Variants in FAM81A observed in about 807,000 individuals in gnomAD.
The protein encoded by FAM81A is protein FAM81A.
A neutral mutation model predicts 46.7 loss-of-function variants in FAM81A; 19 were observed. The ratio of observed to expected loss-of-function variants is 0.41; its 90% CI spans 0.28 to 0.60. The LOEUF (loss-of-function observed/expected upper bound fraction) is 0.60, where lower values mean the gene tolerates loss of function less well. Ranked by LOEUF, FAM81A falls within the 20% of genes least tolerant of loss-of-function variation. The pLI is 0.34. For synonymous variants in FAM81A, 183 were observed against 152.9 expected, an observed-to-expected ratio of 1.20 and a Z score of -1.45; for missense variants, 377 against 453.5, an observed-to-expected ratio of 0.83 and a Z score of 1.53.
chr15:59,499,617 G>A (rs550502574), intron 4 of FAM81A, among the ~76,000 whole-genome samples: 81 of 152,038 alleles, frequency 5.3e-4, no homozygotes, highest in African/African-American at 1.9e-3. Flanking sequence ...CTCATTTTTT[G>A]TTTTTCTGGG....
intron 2 of FAM81A, among the ~76,000 whole-genome samples, chr15:59,425,180 G>C (rs1291918127): frequency 6.6e-6 from 1 of 152,056 alleles, no homozygotes; most frequent in African/African-American, 2.4e-5. Context: ...TAGAATGTAA[G>C]CTCCATGAGG....
intron 3 of FAM81A, among the ~76,000 whole-genome samples, chr15:59,474,256 T>C (rs771396209): frequency 3.3e-5 from 5 of 152,256 alleles, no homozygotes; most frequent in Non-Finnish European, 7.3e-5. Flanking sequence ...CGGTGAATGC[T>C]GTCATAGTAT....
chr15:59,474,793 G>A (rs529896357), intron 3 of FAM81A, among the ~76,000 whole-genome samples: 2 of 152,180 alleles, frequency 1.3e-5, no homozygotes, highest in Non-Finnish European at 2.9e-5. Flanking sequence ...AGGTATCAAG[G>A]CCAGTTAGTG....
intron 2 of FAM81A, among the ~76,000 whole-genome samples, chr15:59,414,438 A>C (rs896094292): frequency 6.6e-6 from 1 of 152,242 alleles, no homozygotes; most frequent in Non-Finnish European, 1.5e-5. Context: ...GAATACCCCC[A>C]AAACCAGTGG....
chr15:59,491,555 A>G (rs1395866979), intron 3 of FAM81A, among the ~76,000 whole-genome samples: 1 of 152,246 alleles, frequency 6.6e-6, no homozygotes, highest in Non-Finnish European at 1.5e-5. Flanking sequence ...ACATGTAAAC[A>G]TAACTAAAAG....
intron 3 of FAM81A, among the ~76,000 whole-genome samples, chr15:59,465,533 A>G (rs1462639827): frequency 6.6e-6 from 1 of 152,148 alleles, no homozygotes. Context: ...TCGGCCTCCC[A>G]AAGTGCTGGG....
intron 1 of FAM81A, among the ~76,000 whole-genome samples, chr15:59,454,578 C>A (rs2081459839): frequency 6.6e-6 from 1 of 151,926 alleles, no homozygotes; most frequent in Non-Finnish European, 1.5e-5. Flanking sequence ...CTTCTGTGAA[C>A]TTCTGAATTC....
intron 2 of FAM81A, among the ~76,000 whole-genome samples, chr15:59,409,465 C>G (rs1291664636): frequency 1.3e-5 from 2 of 152,138 alleles, no homozygotes; most frequent in African/African-American, 4.8e-5. Flanking sequence ...CCCTTCATCC[C>G]CATTTCTCTT....
chr15:59,468,300 T>C (rs2081640849), intron 3 of FAM81A, among the ~76,000 whole-genome samples: 1 of 152,214 alleles, frequency 6.6e-6, no homozygotes, highest in Non-Finnish European at 1.5e-5. Flanking sequence ...CTCCTCTTTG[T>C]ACCTCTGGTA....
intron 3 of FAM81A, among the ~76,000 whole-genome samples, chr15:59,478,067 C>T (rs1190683127): frequency 2.0e-5 from 3 of 152,130 alleles, no homozygotes; most frequent in East Asian, 1.9e-4. Flanking sequence ...GTGAGCAGTC[C>T]GTGGTCCTTT....
chr15:59,459,726 C>T (rs1349489446), intron 2 of FAM81A, among the ~76,000 whole-genome samples: 1 of 152,086 alleles, frequency 6.6e-6, no homozygotes, highest in Admixed American at 6.5e-5. Context: ...GAGACCGCTT[C>T]TAAAACACTG....
chr15:59,495,773 T>C (rs2082026890), intron 4 of FAM81A, among the ~76,000 whole-genome samples: 3 of 152,238 alleles, frequency 2.0e-5, no homozygotes, highest in African/African-American at 7.2e-5. Context: ...ACTAATGGTG[T>C]TGAACATCAT....
At chr15:59,450,829 G>C (rs1344238654) in intron 1 of FAM81A, among the ~76,000 whole-genome samples, 3 of 152,190 alleles carry the variant, frequency 2.0e-5, no homozygotes, top group Non-Finnish European at 2.9e-5. Flanking sequence ...TCTATTTCCA[G>C]TGAACAGAAT....
chr15:59,498,160 G>T (rs1290903307), intron 4 of FAM81A, among the ~76,000 whole-genome samples: 1 of 152,180 alleles, frequency 6.6e-6, no homozygotes, highest in Non-Finnish European at 1.5e-5. Context: ...CCAAAATTCA[G>T]TATTTGGATC....
chr15:59,400,182 C>T (rs1437447296), intron 1 of FAM81A, among the ~76,000 whole-genome samples: 7 of 152,058 alleles, frequency 4.6e-5, no homozygotes, highest in African/African-American at 1.7e-4. Flanking sequence ...GCTCTTGCCC[C>T]CCAATTCATT....
rs117760059 is a variant in FAM81A at position 59,412,605 on chromosome 15, T to C, written c.-78+10247T>C. Among the ~76,000 whole-genome samples, 1,051 of 152,136 alleles carry C rather than the reference T, an allele frequency of 6.9e-3. 7 individuals carry two copies. The highest frequency in any genetic ancestry group is 0.012 in the Non-Finnish European group (793 of 67,998). ...AGCTTGGCGTGGTGGTATGCGTCTG[T>C]AGTCCCAGCTATTCTGGAGGTTGAG... On this transcript the variant is annotated intron_variant, in intron 2 of 4. Transcript: ENST00000558348.
At chr15:59,444,953 C>T (rs1316537953) in intron 1 of FAM81A, among the ~76,000 whole-genome samples, 7 of 152,206 alleles carry the variant, frequency 4.6e-5, no homozygotes, top group East Asian at 3.9e-4. Flanking sequence ...AATGGTTTAT[C>T]GGAAGGAACA....
chr15:59,482,279 G>GT (rs1187770663), intron 3 of FAM81A, among the ~76,000 whole-genome samples: 1 of 151,980 alleles, frequency 6.6e-6, no homozygotes, highest in African/African-American at 2.4e-5. Flanking sequence ...ATTTTGTTTT[G>GT]TTTTTTGAGA....
chr15:59,448,602 TTTACC>T (rs1231882442), intron 1 of FAM81A, among the ~76,000 whole-genome samples: 32 of 152,162 alleles, frequency 2.1e-4, no homozygotes. Context: ...TTTTTTCTTT[TTTACC>T]TTAACATTAT....
Sources: gnomAD v4.1 joint callset for allele counts (sites outside exome capture counted in the v4.1 genomes callset) on GRCh38, gnomAD v4.1.1 for gene constraint, MANE v1.5 for transcripts, NCBI Gene and HGNC (gene_info 2026-07-23, HGNC 2026-07-21) for gene names.